The following EBF1 variants were observed in gnomAD, a reference collection of about 807,000 sequenced individuals.
EBF1 encodes the protein EBF transcription factor 1.
In EBF1, 10 loss-of-function variants were observed where a neutral mutation model predicts 68.4. The ratio of observed to expected loss-of-function variants is 0.15; its 90% CI spans 0.09 to 0.25. The LOEUF (loss-of-function observed/expected upper bound fraction) is 0.25. Ranked by LOEUF, EBF1 falls within the 10% of genes least tolerant of loss-of-function variation. EBF1 has a pLI of 1.00. For synonymous variants in EBF1, 298 were observed against 299.8 expected (o/e 0.99, Z 0.06); for missense variants, 509 against 794.4 (o/e 0.64, Z 4.32).
chr5:158,720,567 C>T (rs1761728841), intron 11 of EBF1, among the ~76,000 whole-genome samples: 2 of 152,116 alleles, frequency 1.3e-5, no homozygotes, highest in African/African-American at 4.8e-5. Flanking sequence ...TCCTCTGAGA[C>T]ATTCCTCAAA....
chr5:158,712,848 T>G (rs12520521), intron 13 of EBF1, 122 bp downstream of exon 13: 30 of 997,738 alleles, frequency 3.0e-5, no homozygotes, highest in Middle Eastern at 5.9e-4. Context: ...CTTATACACA[T>G]AAACTAAGAA....
chr5:159,040,473 T>C (rs1770969445), intron 6 of EBF1, among the ~76,000 whole-genome samples: 3 of 152,324 alleles, frequency 2.0e-5, no homozygotes, highest in Admixed American at 2.0e-4. Flanking sequence ...TCTTTCAGAA[T>C]TGCTTTAATC....
At chr5:159,038,990 A>G (rs148994057) in intron 6 of EBF1, among the ~76,000 whole-genome samples, 67 of 152,342 alleles carry the variant, frequency 4.4e-4, no homozygotes, top group African/African-American at 1.4e-3. Flanking sequence ...GAAGCCTGAG[A>G]TGGAATGTTT....
At chr5:158,975,359 A>G (rs1255403439) in intron 6 of EBF1, among the ~76,000 whole-genome samples, 3 of 152,184 alleles carry the variant, frequency 2.0e-5, no homozygotes, top group Non-Finnish European at 4.4e-5. Context: ...AAAACAAAAG[A>G]CTTTCTGGTT....
At chr5:159,042,762 A>T (rs1771475869) in intron 6 of EBF1, among the ~76,000 whole-genome samples, 2 of 152,154 alleles carry the variant, frequency 1.3e-5, no homozygotes, top group Admixed American at 6.5e-5. Context: ...AAATTTTAAA[A>T]AGTCTAAGTT....
intron 6 of EBF1, among the ~76,000 whole-genome samples, chr5:158,956,885 A>C (rs969907964): frequency 9.3e-5 from 14 of 151,090 alleles, no homozygotes; most frequent in Non-Finnish European, 1.9e-4. Flanking sequence ...CAGCCTCCGG[A>C]GTAGCTGGGA....
At chr5:158,723,172 C>T (rs1762294507) in intron 11 of EBF1, among the ~76,000 whole-genome samples, 1 of 152,176 alleles carries the variant, frequency 6.6e-6, no homozygotes, top group Non-Finnish European at 1.5e-5. Context: ...TTCTTCCTGC[C>T]GCTTCCACCT....
At chr5:158,935,276 C>T (rs527638428) in intron 6 of EBF1, among the ~76,000 whole-genome samples, 26 of 152,176 alleles carry the variant, frequency 1.7e-4, no homozygotes, top group South Asian at 4.2e-4. Context: ...GGCTGTGTTC[C>T]GAGGGCACAG....
intron 10 of EBF1, among the ~76,000 whole-genome samples, chr5:158,773,436 T>A (rs529879891): frequency 1.3e-5 from 2 of 152,204 alleles, no homozygotes; most frequent in African/African-American, 4.8e-5. Flanking sequence ...ATGTTTGGAA[T>A]TGGAAAAGTT....
intron 13 of EBF1, 67 bp from the exon 14 acceptor site, chr5:158,712,400 G>A: frequency 6.4e-7 from 1 of 1,556,182 alleles, no homozygotes; most frequent in Non-Finnish European, 8.8e-7. Flanking sequence ...GGAAGACTCG[G>A]GGAAAGGAAG....
intron 7 of EBF1, among the ~76,000 whole-genome samples, chr5:158,830,198 C>A (rs145459389): frequency 3.0e-4 from 45 of 152,184 alleles, no homozygotes; most frequent in African/African-American, 1.1e-3. Flanking sequence ...GATCATAGGA[C>A]AAATTAAGAG....
intron 10 of EBF1, among the ~76,000 whole-genome samples, chr5:158,738,561 G>A (rs1765670157): frequency 6.6e-6 from 1 of 152,138 alleles, no homozygotes; most frequent in Non-Finnish European, 1.5e-5. Flanking sequence ...ATACCCTGAG[G>A]TCATATAAGA....
chr5:158,914,357 G>A (rs1806669192), intron 6 of EBF1, among the ~76,000 whole-genome samples: 1 of 152,164 alleles, frequency 6.6e-6, no homozygotes, highest in South Asian at 2.1e-4. Context: ...CATTGCATGC[G>A]TGGTTTGTGC....
intron 8 of EBF1, among the ~76,000 whole-genome samples, chr5:158,820,406 A>C (rs1334183639): frequency 6.6e-6 from 1 of 152,056 alleles, no homozygotes; most frequent in African/African-American, 2.4e-5. Context: ...ATCTAGGTCC[A>C]CTCCCACACA....
intron 6 of EBF1, among the ~76,000 whole-genome samples, chr5:158,867,541 C>G (rs1163105251): frequency 2.0e-5 from 3 of 152,138 alleles, no homozygotes; most frequent in East Asian, 3.9e-4. Flanking sequence ...GGATTGAACA[C>G]CATACACAGC....
chr5:158,800,404 G>A (rs1780367689), intron 8 of EBF1, among the ~76,000 whole-genome samples: 1 of 152,148 alleles, frequency 6.6e-6, no homozygotes, highest in South Asian at 2.1e-4. Context: ...AACTAGACTG[G>A]GGTTGACAGA....
intron 10 of EBF1, among the ~76,000 whole-genome samples, chr5:158,740,413 G>T (rs1175957284): frequency 6.6e-6 from 1 of 152,146 alleles, no homozygotes; most frequent in East Asian, 1.9e-4. Flanking sequence ...CAGTGGACAG[G>T]TTTCAGAAGA....
At chr5:158,905,194 A>G (rs779039526) in intron 6 of EBF1, among the ~76,000 whole-genome samples, 1 of 152,080 alleles carries the variant, frequency 6.6e-6, no homozygotes, top group Non-Finnish European at 1.5e-5. Context: ...AACCTCCCCC[A>G]TTTGCACCTA....
In EBF1 at chr5:158,889,965, C is replaced by T. The variant is rs76930152; in HGVS notation, c.555-49855G>A. Reference sequence around the variant, plus strand: ...TAAGTAATATAGAGATTAAAGTATACGGGAGAATATGCCTAGGTTATATGC... The same window carrying T: ...TAAGTAATATAGAGATTAAAGTATATGGGAGAATATGCCTAGGTTATATGC... On this transcript the variant is annotated intron_variant, in intron 6 of 15. Coordinates refer to ENST00000313708, the MANE Select transcript of EBF1 (RefSeq NM_024007.5). Among the ~76,000 whole-genome samples, 6,647 of 152,140 alleles carry T rather than the reference C, an allele frequency of 0.044. 798 individuals are homozygous for T. The East Asian group carries it at 0.47, about 11-fold the overall frequency.
Sources: allele counts gnomAD v4.1 joint callset (sites outside exome capture counted in the v4.1 genomes callset), GRCh38; gene constraint gnomAD v4.1.1; transcripts MANE v1.5; gene names NCBI Gene and HGNC (gene_info 2026-07-23, HGNC 2026-07-21).